Variants in FASTKD5 observed in about 807,000 individuals in gnomAD.
The protein encoded by FASTKD5 is non-canonical pre-mRNAs endonuclease FASTKD5, mitochondrial.
Under a neutral mutation model 44.0 loss-of-function variants are expected in FASTKD5, and 30 were observed. That is an observed-to-expected ratio of 0.68 (90% CI 0.51 to 0.93). FASTKD5 has a LOEUF of 0.93. Among genes scored for constraint, FASTKD5 ranks in the 40% least tolerant of loss-of-function variants. The pLI is 0.00. For missense variants in FASTKD5, 868 were observed against 908.2 expected (o/e 0.96, Z 0.57); for synonymous variants, 335 against 342.2 (o/e 0.98, Z 0.23).
intron 1 of FASTKD5, among the ~76,000 whole-genome samples, chr20:3,153,974 T>C (rs530826051): frequency 5.9e-5 from 9 of 152,164 alleles, no homozygotes; most frequent in African/African-American, 2.2e-4. Context: ...AGGTTTGGAA[T>C]GCTCAACCTG....
At position 3,148,238 on chromosome 20, in the gene FASTKD5, A is replaced by C; in HGVS notation, c.833T>G (p.Leu278Trp). ...ATAAATTAAGTGAACTAGCTGAGAC[A>C]AGGATAGATCCTTCCAGTGCAAATT... ...YLNLHWKDLS[L>W]SQLVHLIYVI... The change falls in exon 2 of 2, where the codon TTG becomes TGG. Residue 278 changes from leucine (L) to tryptophan (W), a missense_variant. Physicochemically the swap from Leu to Trp is moderately conservative, Grantham distance 61. Transcript: ENST00000380266. The C allele has an allele frequency of 1.2e-6, 2 of 1,614,008 alleles. No individual in the cohort carries two copies. The highest frequency in any genetic ancestry group is 1.7e-6 in the Non-Finnish European group (2 of 1,180,040).
intron 1 of FASTKD5, among the ~76,000 whole-genome samples, chr20:3,150,202 A>G (rs1429422453): frequency 6.6e-6 from 1 of 152,140 alleles, no homozygotes; most frequent in Non-Finnish European, 1.5e-5. Context: ...GAGTAGTCAC[A>G]GAGTAATGGT....
intron 1 of FASTKD5, among the ~76,000 whole-genome samples, chr20:3,158,306 A>C (rs564409391): frequency 6.6e-6 from 1 of 151,898 alleles, no homozygotes; most frequent in Non-Finnish European, 1.5e-5. Flanking sequence ...ACTTATTCAC[A>C]TGATGAATGG....
At chr20:3,156,541 G>A (rs1246659531) in intron 1 of FASTKD5, 1 of 152,152 alleles carries the variant, frequency 6.6e-6, no homozygotes. Flanking sequence ...CCTAGTTTAA[G>A]TGCCCCAAGT....
chr20:3,157,931 T>A (rs1304585506), intron 1 of FASTKD5, among the ~76,000 whole-genome samples: 6 of 152,066 alleles, frequency 3.9e-5, no homozygotes, highest in Admixed American at 6.6e-5. Context: ...GGTCTCGCTC[T>A]GTTGTTCAGT....
chr20:3,147,081 G>A lies in FASTKD5; in HGVS notation c.1990C>T (p.Pro664Ser), dbSNP rs751567143. The A allele has an allele frequency of 2.9e-5, 47 of 1,613,984 alleles. No homozygotes were observed. Among genetic ancestry groups the A allele is most frequent in the Non-Finnish European group, 3.8e-5 (45 of 1,180,050 alleles). Residue 664 changes from proline (P) to serine (S), a missense_variant, in exon 2 of 2, where the codon CCT (proline) becomes TCT (serine). Physicochemically the swap from Pro to Ser is moderately conservative, Grantham distance 74. Transcript: ENST00000380266. ...PMELENKAAV[P>S]LGGFLCNVAD... ...ACATTGCAAAGGAAGCCCCCCAGAG[G>A]TACAGCTGCCTTATTCTCCAACTCC...
intron 1 of FASTKD5, among the ~76,000 whole-genome samples, chr20:3,151,469 C>G (rs2066624160): frequency 6.6e-6 from 1 of 152,116 alleles, no homozygotes; most frequent in African/African-American, 2.4e-5. Context: ...CTCTGCTACA[C>G]ACTATTTCTA....
At position 3,147,019 on chromosome 20, in the gene FASTKD5, C is replaced by T. The variant is rs1167407956; in HGVS notation, c.2052G>A (p.Leu684=). 1.2e-6 allele frequency: 2 copies of T among 1,614,084 alleles called. No homozygotes were observed. Among genetic ancestry groups the T allele is most frequent in the Non-Finnish European group, 1.7e-6 (2 of 1,180,050 alleles). Reference sequence around the variant, plus strand: ...GGGTCTGCATGCAGGCTGCGGGGCACAGGCCAGCCATCTCCATGGCCCCTG... The same window carrying T: ...GGGTCTGCATGCAGGCTGCGGGGCATAGGCCAGCCATCTCCATGGCCCCTG... The part of the protein sequence containing the change: ...DKSGAMEMAG[L]CPAACMQTPR... The change falls in exon 2 of 2, where the codon CTG becomes CTA. Residue 684 remains leucine, a synonymous_variant. Coordinates refer to ENST00000380266, the MANE Select transcript of FASTKD5 (RefSeq NM_021826.5).
rs774739229 is a variant in FASTKD5 at position 3,146,950 on chromosome 20, A to G, written c.2121T>C (p.Tyr707=). ...LAVQFTNRNQ[Y]CYGSRDLLGL... Reference sequence around the variant, plus strand: ...CAAGGAGATCCCTGGAGCCATAGCAATACTGGTTCCTGTTTGTGAACTGAA... The same window carrying G: ...CAAGGAGATCCCTGGAGCCATAGCAGTACTGGTTCCTGTTTGTGAACTGAA... The change falls in exon 2 of 2, where the codon TAT becomes TAC. Residue 707 remains tyrosine, a synonymous_variant. Coordinates refer to ENST00000380266, the MANE Select transcript of FASTKD5 (RefSeq NM_021826.5). The G allele has an allele frequency of 1.6e-5, 26 of 1,614,074 alleles. No homozygotes were observed. The highest frequency in any genetic ancestry group is 2.1e-5 in the Non-Finnish European group (25 of 1,180,056).
chr20:3,151,344 T>C (rs1348454907), intron 1 of FASTKD5, among the ~76,000 whole-genome samples: 2 of 152,238 alleles, frequency 1.3e-5, no homozygotes, highest in South Asian at 2.1e-4. Flanking sequence ...CCATTCATTA[T>C]ATATTGTCTA....
chr20:3,147,019 C>G lies in FASTKD5; in HGVS notation c.2052G>C (p.Leu684=). ...GGGTCTGCATGCAGGCTGCGGGGCA[C>G]AGGCCAGCCATCTCCATGGCCCCTG... ...DKSGAMEMAG[L]CPAACMQTPR... is the part of the protein sequence containing the mutation. The change falls in exon 2 of 2, where the codon CTG becomes CTC. Residue 684 remains leucine, a synonymous_variant. Coordinates refer to ENST00000380266, the MANE Select transcript of FASTKD5 (RefSeq NM_021826.5). The G allele has an allele frequency of 2.5e-6, 4 of 1,614,202 alleles. No homozygotes were observed. The highest frequency in any genetic ancestry group is 2.2e-5 in the South Asian group (2 of 91,078).
Position 3,156,860 on chromosome 20 carries a change from T to C in FASTKD5, c.-191+2906A>G, listed in dbSNP as rs573179244. 2.0e-5 allele frequency: 3 copies of C among 152,374 alleles called. No homozygotes were observed. The South Asian group carries it at 6.2e-4, about 32-fold the overall frequency. The allele number at this position is 152,374 out of a possible 1,614,324, so 9.4% of individuals were successfully genotyped here. A position where few individuals can be genotyped will look rare whatever the true frequency, so the allele number is the denominator to read the frequency against. On this transcript the variant is annotated intron_variant, in intron 1 of 1. Transcript: ENST00000380266. ...CTTACCAGATCTGATCCCTCAATTC[T>C]AACACTTTTCCTTTCTATGTCCCAA...
intron 1 of FASTKD5, among the ~76,000 whole-genome samples, chr20:3,151,356 G>A (rs932883304): frequency 6.6e-6 from 1 of 152,218 alleles, no homozygotes; most frequent in Non-Finnish European, 1.5e-5. Context: ...TATTGTCTAT[G>A]TCTGCTTTCC....
chr20:3,158,534 C>T (rs527437345), intron 1 of FASTKD5, among the ~76,000 whole-genome samples: 79 of 152,276 alleles, frequency 5.2e-4, no homozygotes, highest in Middle Eastern at 3.4e-3. Context: ...AGTGCAGTGG[C>T]GCGATCTCGG....
chr20:3,147,889 C>T lies in FASTKD5; in HGVS notation c.1182G>A (p.Met394Ile). The T allele has an allele frequency of 1.9e-6, 3 of 1,614,220 alleles. No homozygotes were observed. Among genetic ancestry groups the T allele is most frequent in the Non-Finnish European group, 2.5e-6 (3 of 1,180,044 alleles). The change falls in exon 2 of 2, where the codon ATG becomes ATA. Residue 394 changes from methionine (M) to isoleucine (I), a missense_variant. Transcript: ENST00000380266. ...AGGCCGAGCAGTAAAGAGTCAGGTG[C>T]ATGACACCTTGAACTCCCAGGGAAG... is the stretch of plus-strand genomic sequence containing the variant. Reference protein sequence around the residue: ...RIPSLGVQGVMHLTLYCSALR... With the variant: ...RIPSLGVQGVIHLTLYCSALR...
chr20:3,159,114 C>T (rs967216666), intron 1 of FASTKD5, among the ~76,000 whole-genome samples: 2 of 151,996 alleles, frequency 1.3e-5, no homozygotes, highest in African/African-American at 4.8e-5. Context: ...ACGGTTTGCA[C>T]AGAAAGAGAA....
At chr20:3,153,122 A>C (rs958704175) in intron 1 of FASTKD5, among the ~76,000 whole-genome samples, 3 of 152,250 alleles carry the variant, frequency 2.0e-5, no homozygotes, top group African/African-American at 7.2e-5. Flanking sequence ...ATATCTCTAT[A>C]AATGATATTA....
chr20:3,150,908 A>T (rs2066617485), intron 1 of FASTKD5: 1 of 152,064 alleles, frequency 6.6e-6, no homozygotes, highest in South Asian at 2.1e-4. Flanking sequence ...TTTTTGAGAC[A>T]GTCTCACTCT....
rs151174770 is a variant in FASTKD5 at position 3,156,320 on chromosome 20, C to A, written c.-191+3446G>T. ...CCTCCCAAGTAGCTGAGACTAAAGG[C>A]TCACGCCAACATGCCCACCTAATTT... On this transcript the variant is annotated intron_variant, in intron 1 of 1. Coordinates refer to ENST00000380266, the MANE Select transcript of FASTKD5 (RefSeq NM_021826.5). Among the ~76,000 whole-genome samples the A allele has an allele frequency of 1.9e-3, 289 of 152,074 alleles. 2 individuals carry two copies. The Middle Eastern group carries it at 0.051, about 27-fold the overall frequency.
Sources: gnomAD v4.1 joint callset for allele counts (sites outside exome capture counted in the v4.1 genomes callset) on GRCh38, gnomAD v4.1.1 for gene constraint, MANE v1.5 for transcripts, NCBI Gene and HGNC (gene_info 2026-07-23, HGNC 2026-07-21) for gene names.